The following ADAMTS4 variants were observed in gnomAD, a reference collection of about 807,000 sequenced individuals.
The protein encoded by ADAMTS4 is A disintegrin and metalloproteinase with thrombospondin motifs 4.
In ADAMTS4, 38 loss-of-function variants were observed where a neutral mutation model predicts 66.7. The ratio of observed to expected loss-of-function variants is 0.57; its 90% confidence interval spans 0.44 to 0.75. The LOEUF is 0.75. ADAMTS4 is among the 30% of genes least tolerant of loss of function. ADAMTS4 has a pLI of 0.00. For missense variants in ADAMTS4, 1,014 were observed against 1,116.7 expected (o/e 0.91, Z 1.31); for synonymous variants, 418 against 461.5 (o/e 0.91, Z 1.21).
In ADAMTS4 at chr1:161,191,493, G is replaced by A. The variant is rs749830758; in HGVS notation, c.2159C>T (p.Pro720Leu). 54 of 1,613,998 alleles carry A rather than the reference G, an allele frequency of 3.3e-5. No individual in the cohort carries two copies. Among genetic ancestry groups the A allele is most frequent in the Non-Finnish European group, 4.3e-5 (51 of 1,179,968 alleles). Reference sequence around the variant, plus strand: ...GGCCAAGTAGATGCTCCGGTGGCCAGGGTTTCCCTGCTGCCGGACAAGAAT... The same window carrying A: ...GGCCAAGTAGATGCTCCGGTGGCCAAGGTTTCCCTGCTGCCGGACAAGAAT... Reference protein sequence around the residue: ...THILVRQQGNPGHRSIYLALK... With the variant: ...THILVRQQGNLGHRSIYLALK... The change falls in exon 9 of 9, where the codon CCT (proline) becomes CTT (leucine). Residue 720 changes from proline to leucine, a missense_variant. By Grantham distance (98) the Pro-to-Leu change is moderately conservative. Transcript: ENST00000367996.
chr1:161,192,003 C>T (rs1571577438), intron 8 of ADAMTS4, 62 bp downstream of exon 8: 4 of 1,560,984 alleles, frequency 2.6e-6, no homozygotes, highest in East Asian at 4.5e-5. Flanking sequence ...CTGAGTTCCC[C>T]TCTGCATCAC....
Position 161,198,883 on chromosome 1 carries a change from C to G in ADAMTS4, c.-256G>C. The G allele has an allele frequency of 2.3e-6, 1 of 438,664 alleles. No individual in the cohort carries two copies. Among genetic ancestry groups the G allele is most frequent in the East Asian group, 3.4e-5 (1 of 29,222 alleles). 27.2% of individuals were successfully genotyped at this position (438,664 alleles called of 1,614,324 possible). On this transcript the variant is annotated 5_prime_UTR_variant, in exon 1 of 9. Coordinates refer to ENST00000367996, the MANE Select transcript of ADAMTS4 (RefSeq NM_005099.6). This position sits in a 1 kb window ranked among gnomAD's most constrained non-coding sequence, Gnocchi z 4.7. ...CTCCTTTCCTGGATCTTTGTCTCTC[C>G]CTGCCTGTGTCTTCTGCAGCTTCTC...
At chr1:161,195,926 CACACACAG>C (rs1190186361) in intron 3 of ADAMTS4, 3 of 526,086 alleles carry the variant, frequency 5.7e-6, no homozygotes, top group South Asian at 2.8e-5. Flanking sequence ...TCCAAATACA[CACACACAG>C]ACACACACAC....
chr1:161,190,989 C>G lies in ADAMTS4; in HGVS notation c.*149G>C. 1.1e-6 allele frequency: 1 copy of G among 920,194 alleles called. No individual in the cohort carries two copies. The highest frequency in any genetic ancestry group is 1.6e-6 in the Non-Finnish European group (1 of 636,776). The allele number at this position is 920,194 out of a possible 1,614,324, so 57.0% of individuals were successfully genotyped here. A position where few individuals can be genotyped will look rare whatever the true frequency, so the allele number is the denominator to read the frequency against. Reference sequence around the variant, plus strand: ...GGCAGGAAACCAGGGCAGGGCCAGCCTGCGCATTAGGGCAGAGAGGAGGGG... The same window carrying G: ...GGCAGGAAACCAGGGCAGGGCCAGCGTGCGCATTAGGGCAGAGAGGAGGGG... On this transcript the variant is annotated 3_prime_UTR_variant, in exon 9 of 9. Coordinates refer to ENST00000367996, the MANE Select transcript of ADAMTS4 (RefSeq NM_005099.6).
At position 161,198,976 on chromosome 1, in the gene ADAMTS4, C is replaced by T. The variant is rs748272340; in HGVS notation, c.-349G>A. 2 of 253,230 alleles carry T rather than the reference C, an allele frequency of 7.9e-6. No individual in the cohort carries two copies. The highest frequency in any genetic ancestry group is 1.5e-5 in the Non-Finnish European group (2 of 132,724). 15.7% of individuals were successfully genotyped at this position (253,230 alleles called of 1,614,324 possible). ...CCTGCCCTGTCTCTGCCTTCTTCCG[C>T]TGTGCCTTTGTCTCTGTCTCTTTCC... On this transcript the variant is annotated 5_prime_UTR_variant, in exon 1 of 9. Transcript: ENST00000367996. This position sits in a 1 kb window ranked among gnomAD's most constrained non-coding sequence, Gnocchi z 4.7.
In ADAMTS4 at chr1:161,193,179, C is replaced by T; in HGVS notation, c.1911+34G>A. On this transcript the variant is annotated intron_variant, in intron 7 of 8. Coordinates refer to ENST00000367996, the MANE Select transcript of ADAMTS4 (RefSeq NM_005099.6). The surrounding 1 kb of genome is among the most constrained non-coding windows in gnomAD (Gnocchi z 4.4). ...AGGGAGCACTGCGGGTGTGTGTGAC[C>T]ATAGACAGGGCCTGGGGGTGTCCTG... is the stretch of plus-strand genomic sequence containing the variant. 1 of 1,592,580 alleles carries T rather than the reference C, an allele frequency of 6.3e-7. No individual in the cohort carries two copies. Among genetic ancestry groups the T allele is most frequent in the Non-Finnish European group, 8.6e-7 (1 of 1,167,492 alleles).
Position 161,191,383 on chromosome 1 carries a change from C to G in ADAMTS4, c.2269G>C (p.Val757Leu), listed in dbSNP as rs138218745. The change falls in exon 9 of 9, where the codon GTC becomes CTC. Residue 757 changes from valine (V) to leucine (L), a missense_variant. Physicochemically the swap from Val to Leu is conservative, Grantham distance 32 (BLOSUM62 1). Transcript: ENST00000367996. ...SPTDVVLPGA[V>L]SLRYSGATAA... ...GTGGCCCCGCTGTAGCGCAAGCTGA[C>G]TGCCCCAGGCAGTACCACATCTGTG... 2.0e-5 allele frequency: 32 copies of G among 1,614,096 alleles called. 1 individual carries two copies. In the East Asian group the frequency reaches 7.1e-4, roughly 36 times the overall value.
chr1:161,196,958 T>C (rs1664867489), intron 1 of ADAMTS4, 78 bp from the exon 2 acceptor site: 2 of 1,314,154 alleles, frequency 1.5e-6, no homozygotes, highest in Non-Finnish European at 2.1e-6. Flanking sequence ...AATCCCTCAC[T>C]TCCTGGGTCT....
intron 2 of ADAMTS4, 99 bp downstream of exon 2, chr1:161,196,458 G>A (rs766660476): frequency 6.6e-7 from 1 of 1,513,392 alleles, no homozygotes; most frequent in Admixed American, 1.9e-5. Context: ...AAGGCACCAT[G>A]TCACACAACT....
At position 161,198,930 on chromosome 1, in the gene ADAMTS4, T is replaced by A. The variant is rs1224913008; in HGVS notation, c.-303A>T. The A allele has an allele frequency of 2.8e-6, 1 of 353,354 alleles. No individual in the cohort carries two copies. Among genetic ancestry groups the A allele is most frequent in the African/African-American group, 2.1e-5 (1 of 47,744 alleles). The allele number at this position is 353,354 out of a possible 1,614,324, so 21.9% of individuals were successfully genotyped here. On this transcript the variant is annotated 5_prime_UTR_variant, in exon 1 of 9. Coordinates refer to ENST00000367996, the MANE Select transcript of ADAMTS4 (RefSeq NM_005099.6). The surrounding 1 kb of genome is among the most constrained non-coding windows in gnomAD (Gnocchi z 4.7). ...TCTCTGGCCTCTCCCTCTGTAGGAC[T>A]CTGTCTGGGCCGCTTCTGTGCCTGC...
Position 161,193,413 on chromosome 1 carries a change from CCCTCCTTCCTT to C in ADAMTS4, c.1736-36_1736-26del. Reference sequence around the variant, plus strand: ...GCTGGAGGGGTAAAACAGTCAGAGCCCCTCCTTCCTTCCTCACATCACCCCACATCCCTCCA... The same window carrying C: ...GCTGGAGGGGTAAAACAGTCAGAGCCCCTCACATCACCCCACATCCCTCCA... On this transcript the variant is annotated intron_variant, in intron 6 of 8. Coordinates refer to ENST00000367996, the MANE Select transcript of ADAMTS4 (RefSeq NM_005099.6). This position sits in a 1 kb window ranked among gnomAD's most constrained non-coding sequence, Gnocchi z 4.4. The C allele has an allele frequency of 6.2e-7, 1 of 1,606,304 alleles. No homozygotes were observed. The highest frequency in any genetic ancestry group is 8.5e-7 in the Non-Finnish European group (1 of 1,175,180).
Position 161,191,018 on chromosome 1 carries a change from G to A in ADAMTS4, c.*120C>T. 1 of 1,178,820 alleles carries A rather than the reference G, an allele frequency of 8.5e-7. No homozygotes were observed. Among genetic ancestry groups the A allele is most frequent in the Non-Finnish European group, 1.2e-6 (1 of 856,414 alleles). The allele number at this position is 1,178,820 out of a possible 1,614,324, so 73.0% of individuals were successfully genotyped here. A position where few individuals can be genotyped will look rare whatever the true frequency, so the allele number is the denominator to read the frequency against. On this transcript the variant is annotated 3_prime_UTR_variant, in exon 9 of 9. Transcript: ENST00000367996. ...GCATTAGGGCAGAGAGGAGGGGCAG[G>A]TCTCACGCCCACAGCCCCTCCCCAC...
intron 1 of ADAMTS4, 87 bp downstream of exon 1, chr1:161,197,908 T>TGG: frequency 6.7e-7 from 1 of 1,495,980 alleles, no homozygotes; most frequent in Non-Finnish European, 8.9e-7. Flanking sequence ...GCCAGAAGTG[T>TGG]AAGTGGGTGG....
In ADAMTS4 at chr1:161,187,944, CTTTTTTTTTTTTTTT is replaced by C. The variant is rs34912400; in HGVS notation, c.*3179_*3193del. The C allele has an allele frequency of 5.4e-5, 5 of 91,812 alleles. No homozygotes were observed. Among genetic ancestry groups the C allele is most frequent in the Non-Finnish European group, 1.0e-4 (5 of 49,126 alleles). 5.7% of individuals were successfully genotyped at this position (91,812 alleles called of 1,614,324 possible). Reference sequence around the variant, plus strand: ...TGACACATAGAGGACTGCCCAAGTTCTTTTTTTTTTTTTTTTTTTTTTTGAGATGGAGTCTCACTC... The same window carrying C: ...TGACACATAGAGGACTGCCCAAGTTCTTTTTTTTGAGATGGAGTCTCACTC... On this transcript the variant is annotated 3_prime_UTR_variant, in exon 9 of 9. Coordinates refer to ENST00000367996, the MANE Select transcript of ADAMTS4 (RefSeq NM_005099.6).
At position 161,198,189 on chromosome 1, in the gene ADAMTS4, C is replaced by T; in HGVS notation, c.439G>A (p.Gly147Arg). 1.9e-6 allele frequency: 3 copies of T among 1,614,044 alleles called. No homozygotes were observed. The highest frequency in any genetic ancestry group is 1.6e-4 in the Middle Eastern group (1 of 6,062). Residue 147 changes from glycine to arginine, a missense_variant, in exon 1 of 9, where the codon GGA becomes AGA. Transcript: ENST00000367996. This position sits in a 1 kb window ranked among gnomAD's most constrained non-coding sequence, Gnocchi z 4.7. ...TATTGTAACACGCCTAACAGGGCTC[C>T]CCCATCCCAGTGCAGAGATGCCACC... The part of the protein sequence containing the change: ...ESVASLHWDG[G>R]ALLGVLQYRG...
Position 161,196,556 on chromosome 1 carries a change from C to T in ADAMTS4, c.957+1G>A. 1 of 1,613,876 alleles carries T rather than the reference C, an allele frequency of 6.2e-7. No homozygotes were observed. Among genetic ancestry groups the T allele is most frequent in the Non-Finnish European group, 8.5e-7 (1 of 1,179,870 alleles). On this transcript the variant is annotated splice_donor_variant, in intron 2 of 8. Transcript: ENST00000367996. LOFTEE classifies it high-confidence loss of function. ...GCCTGCGGTGCTGACTGGGGCCTCA[C>T]CTGACGGGTAAACAGAATGGCTGTG...
chr1:161,192,020 C>T lies in ADAMTS4; in HGVS notation c.2087+45G>A, dbSNP rs113500169. 7.0e-5 allele frequency: 111 copies of T among 1,594,932 alleles called. 1 individual carries two copies. The Middle Eastern group carries it at 1.8e-3, about 26-fold the overall frequency. On this transcript the variant is annotated intron_variant, in intron 8 of 8. Transcript: ENST00000367996. ...GAGTTCCCCTCTGCATCACTAGGAC[C>T]CAGAATGTCCAGGAAGGTAGAGGGA...
At position 161,191,378 on chromosome 1, in the gene ADAMTS4, G is replaced by A. The variant is rs369928976; in HGVS notation, c.2274C>T (p.Ser758=). ...PTDVVLPGAV[S]LRYSGATAAS... is the part of the protein sequence containing the mutation. ...CTGCAGTGGCCCCGCTGTAGCGCAAGCTGACTGCCCCAGGCAGTACCACAT... is the reference window on the plus strand; with the variant it reads ...CTGCAGTGGCCCCGCTGTAGCGCAAACTGACTGCCCCAGGCAGTACCACAT... Residue 758 remains serine, a synonymous_variant, in exon 9 of 9, where the codon AGC becomes AGT. Transcript: ENST00000367996. The A allele has an allele frequency of 8.9e-5, 144 of 1,613,934 alleles. No individual in the cohort carries two copies. The highest frequency in any genetic ancestry group is 1.2e-4 in the Non-Finnish European group (137 of 1,180,042).
Position 161,187,870 on chromosome 1 carries a change from A to G in ADAMTS4, c.*3268T>C, listed in dbSNP as rs1273148849. On this transcript the variant is annotated 3_prime_UTR_variant, in exon 9 of 9. Coordinates refer to ENST00000367996, the MANE Select transcript of ADAMTS4 (RefSeq NM_005099.6). Reference sequence around the variant, plus strand: ...CCTGCGTCTGCCTCTCAAAACTCCAAATTCTTGCAGGGTCTACCTACCACC... The same window carrying G: ...CCTGCGTCTGCCTCTCAAAACTCCAGATTCTTGCAGGGTCTACCTACCACC... The G allele has an allele frequency of 6.6e-6, 1 of 151,622 alleles. No homozygotes were observed. The allele number at this position is 151,622 out of a possible 1,614,324, so 9.4% of individuals were successfully genotyped here.
Sources: gnomAD v4.1 joint callset for allele counts on GRCh38, gnomAD v4.1.1 for gene constraint, Gnocchi (gnomAD v3.1) non-coding constraint, MANE v1.5 for transcripts, NCBI Gene and HGNC (gene_info 2026-07-23, HGNC 2026-07-21) for gene names.